Variants in KIAA1671 observed in about 807,000 individuals in gnomAD.
KIAA1671 encodes uncharacterized protein KIAA1671.
KIAA1671 carries 52 observed loss-of-function variants against 131.2 expected under a neutral mutation model. The ratio of observed to expected loss-of-function variants is 0.40; its 90% CI spans 0.32 to 0.50. KIAA1671 has a LOEUF of 0.50. Among genes scored for constraint, KIAA1671 ranks in the 20% least tolerant of loss-of-function variants. The pLI, the probability that KIAA1671 is intolerant of heterozygous loss-of-function variation, is 0.73. For missense variants in KIAA1671, 2,360 were observed against 2,364.2 expected (o/e 1.00, Z 0.04); for synonymous variants, 1,003 against 961.6 (o/e 1.04, Z -0.80).
At chr22:25,113,001 A>G (rs972236920) in intron 6 of KIAA1671, among the ~76,000 whole-genome samples, 1 of 152,160 alleles carries the variant, frequency 6.6e-6, no homozygotes, top group African/African-American at 2.4e-5. Flanking sequence ...TGAGTGGGCC[A>G]GGGAGGGAGG....
At chr22:25,102,127 A>G (rs1930717901) in intron 6 of KIAA1671, among the ~76,000 whole-genome samples, 1 of 152,234 alleles carries the variant, frequency 6.6e-6, no homozygotes, top group Admixed American at 6.5e-5. Flanking sequence ...CAGGATTAAC[A>G]TCTGTCCAGT....
rs114605514 is a variant in KIAA1671, at chr22:25,133,785, C to G, written c.4531-37035C>G. On this transcript the variant is annotated intron_variant, in intron 6 of 12. Transcript: ENST00000358431. ...CTGATCTTGAACTCCTGGGTTCTTG[C>G]GATCCTCCCACCATGGCCTCCCAAA... 1.9e-3 allele frequency among the ~76,000 whole-genome samples: 288 copies of G among 152,252 alleles called. 1 individual carries two copies. Among genetic ancestry groups the G allele is most frequent in the African/African-American group, 6.6e-3 (276 of 41,566 alleles).
rs562865447 is a variant in KIAA1671, at chr22:24,999,640, G to A, written c.-207-25993G>A. 1.8e-4 allele frequency among the ~76,000 whole-genome samples: 27 copies of A among 150,088 alleles called. No individual in the cohort carries two copies. The South Asian group carries it at 5.7e-3, about 32-fold the overall frequency. ...TGCAGTGGTGCGATCTCAGTTCACC[G>A]TAACCTCCACTTCCCAGGTTCAAGC... is the stretch of plus-strand genomic sequence containing the variant. On this transcript the variant is annotated intron_variant, in intron 1 of 12. Coordinates refer to ENST00000358431, the MANE Select transcript of KIAA1671 (RefSeq NM_001145206.2).
chr22:25,159,427 A>G (rs1303499087), intron 6 of KIAA1671, among the ~76,000 whole-genome samples: 2 of 152,192 alleles, frequency 1.3e-5, no homozygotes, highest in East Asian at 3.9e-4. Flanking sequence ...CGTCAGGTCC[A>G]GGGAGATACT....
chr22:25,037,298 G>A (rs1311805836), intron 4 of KIAA1671, among the ~76,000 whole-genome samples: 2 of 152,118 alleles, frequency 1.3e-5, no homozygotes, highest in African/African-American at 4.8e-5. Flanking sequence ...ACTCCAGCCT[G>A]GGCAAAAGAG....
At chr22:25,148,497 C>T (rs1842724105) in intron 6 of KIAA1671, among the ~76,000 whole-genome samples, 1 of 152,176 alleles carries the variant, frequency 6.6e-6, no homozygotes, top group Non-Finnish European at 1.5e-5. Flanking sequence ...AAGGGCAGTC[C>T]ATGCAGGAAG....
intron 6 of KIAA1671, among the ~76,000 whole-genome samples, chr22:25,070,707 C>A (rs1356146099): frequency 6.6e-6 from 1 of 152,066 alleles, no homozygotes; most frequent in African/African-American, 2.4e-5. Flanking sequence ...AGAACGAGAA[C>A]CACTTCAGTG....
At chr22:25,071,232 A>G (rs796944340) in intron 6 of KIAA1671, among the ~76,000 whole-genome samples, 1 of 152,352 alleles carries the variant, frequency 6.6e-6, no homozygotes, top group East Asian at 1.9e-4. Flanking sequence ...CACTGGTTTC[A>G]GCACACCCAA....
chr22:25,068,530 G>A (rs1437941692), intron 6 of KIAA1671, among the ~76,000 whole-genome samples: 2 of 151,990 alleles, frequency 1.3e-5, no homozygotes, highest in Non-Finnish European at 2.9e-5. Context: ...TCCGCCTACC[G>A]GGTTCACGCC....
chr22:24,956,340 G>C (rs182499534), intron 1 of KIAA1671, among the ~76,000 whole-genome samples: 1 of 152,312 alleles, frequency 6.6e-6, no homozygotes, highest in African/African-American at 2.4e-5. Flanking sequence ...GACTTCCTGT[G>C]GGGAGACATG....
At chr22:24,970,607 C>A (rs561463232) in intron 1 of KIAA1671, among the ~76,000 whole-genome samples, 112 of 152,018 alleles carry the variant, frequency 7.4e-4, no homozygotes, top group African/African-American at 1.9e-3. Context: ...CTTCCTCCTT[C>A]TCATCATCAT....
At chr22:25,117,585 CCACACACACACACACACACACA>C (rs4049524) in intron 6 of KIAA1671, among the ~76,000 whole-genome samples, 12 of 123,896 alleles carry the variant, frequency 9.7e-5, no homozygotes, top group African/African-American at 2.9e-4. Flanking sequence ...TCTCCCCCAA[CCACACACACACACACACACACA>C]CACACACACA....
In KIAA1671 at chr22:25,039,620, G is replaced by A. The variant is rs1363911171; in HGVS notation, c.2490G>A (p.Ser830=). ...PKWTGGAVVS[S]HKATVAVSEE... is the part of the protein sequence containing the mutation. ...GGACAGGCGGGGCAGTGGTGAGCTC[G>A]CACAAAGCCACCGTGGCAGTCAGCG... The change falls in exon 5 of 13, where the codon TCG becomes TCA. Residue 830 remains serine (S), a synonymous_variant. Coordinates refer to ENST00000358431, the MANE Select transcript of KIAA1671 (RefSeq NM_001145206.2). 22 of 1,549,898 alleles carry A rather than the reference G, an allele frequency of 1.4e-5. No individual in the cohort carries two copies. Among genetic ancestry groups the A allele is most frequent in the East Asian group, 4.9e-5 (2 of 40,848 alleles).
chr22:24,972,350 C>T (rs1569195370), intron 1 of KIAA1671, among the ~76,000 whole-genome samples: 1 of 152,202 alleles, frequency 6.6e-6, no homozygotes, highest in Non-Finnish European at 1.5e-5. Flanking sequence ...GTCAGAACTA[C>T]CCATTCAGTC....
At chr22:25,001,034 T>C (rs920189100) in intron 1 of KIAA1671, among the ~76,000 whole-genome samples, 1 of 152,044 alleles carries the variant, frequency 6.6e-6, no homozygotes, top group Non-Finnish European at 1.5e-5. Flanking sequence ...TGTGTATGTG[T>C]GTAAAGTAAC....
At chr22:25,170,218 T>G (rs1933797593) in intron 6 of KIAA1671, among the ~76,000 whole-genome samples, 1 of 152,130 alleles carries the variant, frequency 6.6e-6, no homozygotes, top group South Asian at 2.1e-4. Context: ...CGGCCGTAAT[T>G]TCATGTTTTT....
At chr22:24,979,776 C>T (rs554542064) in intron 1 of KIAA1671, among the ~76,000 whole-genome samples, 2 of 152,232 alleles carry the variant, frequency 1.3e-5, no homozygotes, top group Admixed American at 6.5e-5. Context: ...TCATGAACAA[C>T]GCCCCATCCC....
intron 6 of KIAA1671, among the ~76,000 whole-genome samples, chr22:25,073,480 G>T (rs1373853810): frequency 6.6e-6 from 1 of 152,176 alleles, no homozygotes; most frequent in African/African-American, 2.4e-5. Context: ...CTGCAGTCAA[G>T]CAAATTAACA....
intron 1 of KIAA1671, among the ~76,000 whole-genome samples, chr22:24,957,437 C>T (rs1416493429): frequency 6.6e-6 from 1 of 152,176 alleles, no homozygotes; most frequent in Admixed American, 6.5e-5. Flanking sequence ...AACCTGAAGG[C>T]TTTGGCAGGT....
Sources: allele counts gnomAD v4.1 joint callset (sites outside exome capture counted in the v4.1 genomes callset), GRCh38; gene constraint gnomAD v4.1.1; transcripts MANE v1.5; gene names NCBI Gene and HGNC (gene_info 2026-07-23, HGNC 2026-07-21).